FOXP1: variants seen among roughly 807,000 people sequenced by gnomAD.
FOXP1 encodes forkhead box P1.
Under a neutral mutation model 98.2 loss-of-function variants are expected in FOXP1, and 15 were observed. That is an observed-to-expected ratio of 0.15 (90% CI 0.10 to 0.24). The LOEUF is 0.24. Ranked by LOEUF, FOXP1 falls within the 10% of genes least tolerant of loss-of-function variation. FOXP1 has a pLI of 1.00. For missense variants in FOXP1, 633 were observed against 848.5 expected, an observed-to-expected ratio of 0.75 and a Z score of 3.15; for synonymous variants, 371 against 314.5, an observed-to-expected ratio of 1.18 and a Z score of -1.90.
intron 3 of FOXP1, among the ~76,000 whole-genome samples, chr3:71,383,619 A>G (rs1366177480): frequency 6.6e-6 from 1 of 152,132 alleles, no homozygotes; most frequent in Non-Finnish European, 1.5e-5. Context: ...TTTATGGGAG[A>G]GAGAGTGGAG....
chr3:70,967,700 G>GTTTTTGT (rs2035203703), intron 19 of FOXP1, among the ~76,000 whole-genome samples: 71 of 63,636 alleles, frequency 1.1e-3, no homozygotes, highest in African/African-American at 3.4e-3. Context: ...TTTTTTTTTT[G>GTTTTTGT]TTTTTTTTTG....
Position 71,169,233 on chromosome 3 carries a change from C to T in FOXP1, c.180+28969G>A, listed in dbSNP as rs563455679. 4.6e-5 allele frequency among the ~76,000 whole-genome samples: 7 copies of T among 152,288 alleles called. No homozygotes were observed. In the South Asian group the frequency reaches 6.2e-4, roughly 14 times the overall value. The stretch of plus-strand genomic sequence containing the variant: ...CAGCTGCACTCTTGCTAACACAATT[C>T]CTGTGTTTTGCCTGGCAGTAAATGG... On this transcript the variant is annotated intron_variant, in intron 6 of 20. Coordinates refer to ENST00000649528, the MANE Select transcript of FOXP1 (RefSeq NM_001349338.3).
chr3:71,501,487 G>A (rs188854365), intron 2 of FOXP1, among the ~76,000 whole-genome samples: 1 of 151,790 alleles, frequency 6.6e-6, no homozygotes, highest in Non-Finnish European at 1.5e-5. Flanking sequence ...TAGAAAGAGG[G>A]TTTCACCATG....
chr3:71,571,111 T>A (rs1379001190), intron 2 of FOXP1: 1 of 152,232 alleles, frequency 6.6e-6, no homozygotes, highest in East Asian at 1.9e-4. Flanking sequence ...TGCTAAACTC[T>A]ATCCACAGAG....
Position 70,959,077 on chromosome 3 carries a change from T to TG in FOXP1, c.*169dup. 1.4e-6 allele frequency: 1 copy of TG among 711,856 alleles called. No individual in the cohort carries two copies. The highest frequency in any genetic ancestry group is 1.8e-5 in the South Asian group (1 of 54,758). 44.1% of individuals were successfully genotyped at this position (711,856 alleles called of 1,614,324 possible). On this transcript the variant is annotated 3_prime_UTR_variant, in exon 21 of 21. Coordinates refer to ENST00000649528, the MANE Select transcript of FOXP1 (RefSeq NM_001349338.3). ...TAGAAAAATCAAAAATACTCCCAAA[T>TG]GGGGTTCTTGATGGCACTAAGAGTT...
intron 2 of FOXP1, among the ~76,000 whole-genome samples, chr3:71,499,599 C>T (rs950538599): frequency 1.3e-5 from 2 of 152,224 alleles, no homozygotes; most frequent in African/African-American, 4.8e-5. Context: ...GATGTTTCCT[C>T]GGGTCCCACG....
intron 10 of FOXP1, among the ~76,000 whole-genome samples, chr3:71,045,529 T>C (rs1367160831): frequency 1.3e-5 from 2 of 151,972 alleles, no homozygotes; most frequent in Non-Finnish European, 2.9e-5. Context: ...AGCACAAAAA[T>C]GCATTAACTG....
At chr3:71,483,594 T>C (rs184526216) in intron 3 of FOXP1, among the ~76,000 whole-genome samples, 12 of 152,338 alleles carry the variant, frequency 7.9e-5, no homozygotes, top group African/African-American at 2.6e-4. Flanking sequence ...TTTCGGCGTC[T>C]GTAAATAAAT....
At chr3:71,362,868 A>G (rs769974189) in intron 3 of FOXP1, among the ~76,000 whole-genome samples, 10 of 152,250 alleles carry the variant, frequency 6.6e-5, no homozygotes, top group Non-Finnish European at 1.0e-4. Context: ...TGATTAGTCT[A>G]TAATATGATC....
At chr3:71,000,220 C>T (rs1453653712) in intron 13 of FOXP1, among the ~76,000 whole-genome samples, 2 of 151,834 alleles carry the variant, frequency 1.3e-5, no homozygotes, top group Non-Finnish European at 2.9e-5. Flanking sequence ...CACTGTGATT[C>T]CCAGGAAAAT....
At chr3:71,391,612 C>T (rs1465457880) in intron 3 of FOXP1, among the ~76,000 whole-genome samples, 1 of 152,208 alleles carries the variant, frequency 6.6e-6, no homozygotes, top group Non-Finnish European at 1.5e-5. Flanking sequence ...AAACAGGCCA[C>T]AAGGTTCAAG....
intron 17 of FOXP1, among the ~76,000 whole-genome samples, chr3:70,975,523 G>GT (rs1281430717): frequency 6.6e-6 from 1 of 152,156 alleles, no homozygotes; most frequent in Admixed American, 6.5e-5. Flanking sequence ...GTATTTTTCT[G>GT]TCTTTTGCTT....
intron 3 of FOXP1, among the ~76,000 whole-genome samples, chr3:71,456,164 C>G (rs2087472186): frequency 6.6e-6 from 1 of 152,202 alleles, no homozygotes; most frequent in Admixed American, 6.5e-5. Context: ...CCTTCCCTAG[C>G]AAAGATATAT....
At chr3:71,351,123 G>A (rs2077752452) in intron 4 of FOXP1, among the ~76,000 whole-genome samples, 1 of 152,112 alleles carries the variant, frequency 6.6e-6, no homozygotes, top group South Asian at 2.1e-4. Context: ...ACTCATGAAA[G>A]GTTATCCTGC....
At chr3:71,481,943 C>T (rs1328784087) in intron 3 of FOXP1, among the ~76,000 whole-genome samples, 1 of 152,094 alleles carries the variant, frequency 6.6e-6, no homozygotes, top group Non-Finnish European at 1.5e-5. Context: ...CCCATGTTTC[C>T]CCTGCCCTGA....
intron 3 of FOXP1, among the ~76,000 whole-genome samples, chr3:71,370,518 C>T (rs2079220432): frequency 6.6e-6 from 1 of 152,174 alleles, no homozygotes; most frequent in African/African-American, 2.4e-5. Flanking sequence ...TATTCTTTCA[C>T]TCCATAAACA....
In FOXP1 at chr3:70,955,819, C is replaced by T. The variant is rs1386692150; in HGVS notation, c.*3428G>A. 2 of 225,682 alleles carry T rather than the reference C, an allele frequency of 8.9e-6. No individual in the cohort carries two copies. Among genetic ancestry groups the T allele is most frequent in the African/African-American group, 2.6e-5 (1 of 38,770 alleles). 14.0% of individuals were successfully genotyped at this position (225,682 alleles called of 1,614,324 possible). ...GAATGTATCAAAAAACAGATTAACA[C>T]ACACGCACGCGCGCACACACACACA... On this transcript the variant is annotated 3_prime_UTR_variant, in exon 21 of 21. Coordinates refer to ENST00000649528, the MANE Select transcript of FOXP1 (RefSeq NM_001349338.3).
chr3:71,540,696 G>A (rs899789452), intron 2 of FOXP1, among the ~76,000 whole-genome samples: 3 of 152,100 alleles, frequency 2.0e-5, no homozygotes, highest in Admixed American at 6.5e-5. Context: ...CTAAGGCCTC[G>A]CTTCTCCAAA....
chr3:71,215,849 G>GC (rs533824110), intron 5 of FOXP1, among the ~76,000 whole-genome samples: 40 of 152,300 alleles, frequency 2.6e-4, no homozygotes, highest in African/African-American at 9.4e-4. Flanking sequence ...GGGTAATACT[G>GC]CAAGCCAGCC....
Sources: allele counts gnomAD v4.1 joint callset (sites outside exome capture counted in the v4.1 genomes callset), GRCh38; gene constraint gnomAD v4.1.1; transcripts MANE v1.5; gene names NCBI Gene and HGNC (gene_info 2026-07-23, HGNC 2026-07-21).